RARB: variants seen among roughly 807,000 people sequenced by gnomAD.
RARB encodes HBV-activated protein.
A neutral mutation model predicts 51.9 loss-of-function variants in RARB; 17 were observed. That is an observed-to-expected ratio of 0.33 (90% CI 0.22 to 0.49). RARB has a LOEUF of 0.49. RARB is among the 20% of genes least tolerant of loss of function. RARB has a pLI of 0.99. For synonymous variants in RARB, 215 were observed against 195.4 expected, an observed-to-expected ratio of 1.10 and a Z score of -0.84; for missense variants, 369 against 550.8, an observed-to-expected ratio of 0.67 and a Z score of 3.30.
intron 2 of RARB, among the ~76,000 whole-genome samples, chr3:24,979,716 A>G (rs1312999361): frequency 1.3e-5 from 2 of 151,210 alleles, no homozygotes; most frequent in Non-Finnish European, 2.9e-5. Context: ...AAGGGTCTTG[A>G]CTCTTTATCC....
chr3:24,888,672 A>G (rs1454813435), intron 2 of RARB, among the ~76,000 whole-genome samples: 4 of 152,190 alleles, frequency 2.6e-5, no homozygotes, highest in African/African-American at 9.6e-5. Flanking sequence ...ATGTTAGCTT[A>G]GTATTTATAA....
intron 2 of RARB, among the ~76,000 whole-genome samples, chr3:24,899,200 A>G (rs946958653): frequency 2.0e-5 from 3 of 152,224 alleles, no homozygotes; most frequent in African/African-American, 7.2e-5. Context: ...ACAGCAGAGC[A>G]TTAAACCAAG....
chr3:25,507,083 G>A (rs1286645), intron 3 of RARB, among the ~76,000 whole-genome samples: 29,428 of 152,216 alleles, frequency 0.19, 3,193 homozygotes, highest in East Asian at 0.41. Context: ...ACAGTGCTTC[G>A]CACAAAGCTC....
intron 4 of RARB, among the ~76,000 whole-genome samples, chr3:25,146,838 A>T (rs1026541107): frequency 1.3e-5 from 2 of 152,066 alleles, no homozygotes; most frequent in African/African-American, 4.8e-5. Context: ...TTCTGAATTC[A>T]TTCTTTTGGC....
intron 2 of RARB, among the ~76,000 whole-genome samples, chr3:25,002,600 A>G (rs1051549908): frequency 1.3e-5 from 2 of 152,192 alleles, no homozygotes; most frequent in Non-Finnish European, 2.9e-5. Flanking sequence ...TTACATATTA[A>G]GAACCAGAAA....
At chr3:25,295,531 G>C (rs1409345485) in intron 5 of RARB, among the ~76,000 whole-genome samples, 2 of 152,160 alleles carry the variant, frequency 1.3e-5, no homozygotes, top group Non-Finnish European at 2.9e-5. Flanking sequence ...TTTTGTTATA[G>C]CAACCTGGAC....
chr3:25,130,916 TATC>T (rs1699937773), intron 3 of RARB, among the ~76,000 whole-genome samples: 1 of 21,496 alleles, frequency 4.7e-5, no homozygotes, highest in Non-Finnish European at 9.3e-5. Flanking sequence ...TTGATAATAT[TATC>T]AATATTTATC....
intron 4 of RARB, among the ~76,000 whole-genome samples, chr3:25,152,805 T>C (rs1165868468): frequency 6.6e-6 from 1 of 152,198 alleles, no homozygotes; most frequent in Non-Finnish European, 1.5e-5. Context: ...AAGATGCTAC[T>C]TAGAGCAGTA....
At chr3:24,938,990 G>T (rs1489683077) in intron 2 of RARB, among the ~76,000 whole-genome samples, 3 of 143,520 alleles carry the variant, frequency 2.1e-5, no homozygotes, top group Non-Finnish European at 3.0e-5. Context: ...TTTTGTTGTT[G>T]TTTTTTTTTT....
intron 3 of RARB, among the ~76,000 whole-genome samples, chr3:25,105,718 C>G (rs542764432): frequency 6.6e-6 from 1 of 152,166 alleles, no homozygotes; most frequent in South Asian, 2.1e-4. Flanking sequence ...TTTTACTTGC[C>G]AGTCTCTTTT....
chr3:25,498,434 A>G (rs188627687), intron 2 of RARB, among the ~76,000 whole-genome samples: 2 of 152,198 alleles, frequency 1.3e-5, no homozygotes, highest in African/African-American at 4.8e-5. Context: ...AAAATACCTC[A>G]TAGCATATAT....
chr3:25,527,601 C>T (rs1479248803), intron 3 of RARB, among the ~76,000 whole-genome samples: 1 of 152,146 alleles, frequency 6.6e-6, no homozygotes, highest in Non-Finnish European at 1.5e-5. Context: ...CATGCTTGTA[C>T]ATGAAGCATT....
At chr3:25,338,979 C>A (rs1559363302) in intron 5 of RARB, among the ~76,000 whole-genome samples, 1 of 152,060 alleles carries the variant, frequency 6.6e-6, no homozygotes, top group Non-Finnish European at 1.5e-5. Flanking sequence ...TCACTACTTT[C>A]CATATAATAA....
intron 2 of RARB, among the ~76,000 whole-genome samples, chr3:25,018,462 G>A (rs1395847465): frequency 1.3e-5 from 2 of 152,114 alleles, no homozygotes; most frequent in African/African-American, 4.8e-5. Context: ...AAGTTGTCAA[G>A]AATGTTAGCA....
chr3:25,588,054 C>G (rs745774650), intron 5 of RARB, among the ~76,000 whole-genome samples: 2 of 152,144 alleles, frequency 1.3e-5, no homozygotes, highest in African/African-American at 4.8e-5. Context: ...AGGTAAAGAG[C>G]GGTCTCATTC....
chr3:24,878,302 C>T (rs961374496), intron 2 of RARB, among the ~76,000 whole-genome samples: 8 of 151,506 alleles, frequency 5.3e-5, no homozygotes, highest in Admixed American at 1.3e-4. Flanking sequence ...ACATATAGCA[C>T]GCAATTGGAT....
chr3:24,887,045 T>A (rs1703281038), intron 2 of RARB, among the ~76,000 whole-genome samples: 1 of 152,260 alleles, frequency 6.6e-6, no homozygotes, highest in Non-Finnish European at 1.5e-5. Flanking sequence ...TCTGCTTTTT[T>A]GAATTAATGC....
chr3:24,923,317 C>T (rs572674735), intron 2 of RARB, among the ~76,000 whole-genome samples: 7 of 152,040 alleles, frequency 4.6e-5, no homozygotes, highest in African/African-American at 7.2e-5. Flanking sequence ...TAAAGCATTG[C>T]TGAGACTTTA....
intron 2 of RARB, among the ~76,000 whole-genome samples, chr3:24,930,064 T>C (rs1466137527): frequency 6.6e-6 from 1 of 152,096 alleles, no homozygotes; most frequent in Non-Finnish European, 1.5e-5. Context: ...TGATGTGAAA[T>C]ATATTAATTT....
Sources: allele counts gnomAD v4.1 joint callset (sites outside exome capture counted in the v4.1 genomes callset), GRCh38; gene constraint gnomAD v4.1.1; transcripts MANE v1.5; gene names NCBI Gene and HGNC (gene_info 2026-07-23, HGNC 2026-07-21).